Variants in ABITRAM observed in about 807,000 individuals in gnomAD.
ABITRAM encodes the protein actin binding transcription modulator, also known as protein Abitram.
Under a neutral mutation model 22.9 loss-of-function variants are expected in ABITRAM, and 19 were observed. The observed-to-expected ratio is 0.83, with a 90% CI of 0.58 to 1.22. The LOEUF (loss-of-function observed/expected upper bound fraction) is 1.22, where lower values mean the gene tolerates loss of function less well. Ranked by LOEUF, ABITRAM falls within the 50% of genes most tolerant of loss-of-function variation. ABITRAM has a pLI of 0.00. For missense variants in ABITRAM, 215 were observed against 220.2 expected (o/e 0.98, Z 0.15); for synonymous variants, 70 against 73.9 (o/e 0.95, Z 0.27).
At position 108,950,570 on chromosome 9, in the gene ABITRAM, G is replaced by T; in HGVS notation, c.325G>T (p.Gly109Ter). 1.3e-6 allele frequency: 2 copies of T among 1,550,216 alleles called. No individual in the cohort carries two copies. The highest frequency in any genetic ancestry group is 1.7e-6 in the Non-Finnish European group (2 of 1,146,796). ...GAGGAAAATGATGCCTCTAAGCTTG[G>T]GACTGCATCTTCCCCACTCTTAATC... The change falls in exon 4 of 4, where the codon GGA becomes TGA. Residue 109 changes from glycine (G) to a stop codon, truncating the protein, a stop_gained. Coordinates refer to the ABITRAM transcript ENST00000374624. LOFTEE classifies it high-confidence loss of function.
chr9:108,942,914 T>C (rs1564117155), downstream of ABITRAM: 1 of 1,609,340 alleles, frequency 6.2e-7, no homozygotes. Context: ...TATTTTCTTT[T>C]AAACCATTTT....
intron 2 of ABITRAM, 88 bp from the exon 3 acceptor site, chr9:108,936,220 C>A: frequency 1.4e-6 from 2 of 1,434,588 alleles, no homozygotes; most frequent in African/African-American, 1.4e-5. Flanking sequence ...TAAACAAATA[C>A]CAGTTCATAC....
At chr9:108,945,425 T>G (rs12349137), downstream of ABITRAM, among the ~76,000 whole-genome samples, 5 of 151,158 alleles carry the variant, frequency 3.3e-5, no homozygotes, top group East Asian at 9.7e-4. Context: ...ATGTATTTTG[T>G]TTTTTTTTAC....
At chr9:108,943,153 G>C (rs1830294175), downstream of ABITRAM, 1 of 994,864 alleles carries the variant, frequency 1.0e-6, no homozygotes, top group South Asian at 1.8e-5. Flanking sequence ...AAATCTAAGG[G>C]ATCTTGAAAG....
downstream of ABITRAM, among the ~76,000 whole-genome samples, chr9:108,945,488 G>T (rs186488305): frequency 5.3e-4 from 79 of 147,920 alleles, no homozygotes; most frequent in Non-Finnish European, 9.7e-4. Flanking sequence ...TTGAGACAGG[G>T]TCTCACTCTG....
chr9:108,945,620 C>T (rs1830377809), downstream of ABITRAM, among the ~76,000 whole-genome samples: 1 of 121,728 alleles, frequency 8.2e-6, no homozygotes, highest in Non-Finnish European at 1.7e-5. Flanking sequence ...TGCCACCATG[C>T]CCCGCTAGTT....
intron 3 of ABITRAM, among the ~76,000 whole-genome samples, chr9:108,938,843 C>CAATATAAA (rs1830221627): frequency 6.6e-6 from 1 of 152,084 alleles, no homozygotes; most frequent in Admixed American, 6.6e-5. Context: ...CATACTGTGT[C>CAATATAAA]ATGTTGAATT....
At chr9:108,948,279 C>G (rs777479203) in intron 3 of ABITRAM, 1 of 1,568,102 alleles carries the variant, frequency 6.4e-7, no homozygotes, top group Non-Finnish European at 8.7e-7. Context: ...AAGTTATTAC[C>G]TGAAAATTGA....
At chr9:108,942,057 A>C (rs1435237234), downstream of ABITRAM, among the ~76,000 whole-genome samples, 2 of 152,208 alleles carry the variant, frequency 1.3e-5, no homozygotes, top group East Asian at 3.8e-4. Context: ...TTTTAAGTCT[A>C]TAAGATAGGC....
At chr9:108,936,081 AC>A in intron 2 of ABITRAM, 1 of 540,280 alleles carries the variant, frequency 1.9e-6, no homozygotes, top group Non-Finnish European at 3.3e-6. Context: ...CTACCTAAAG[AC>A]CTCTGGTACT....
chr9:108,942,506 G>C (rs2132070742), downstream of ABITRAM: 1 of 482,194 alleles, frequency 2.1e-6, no homozygotes, highest in Non-Finnish European at 3.6e-6. Context: ...AGACAGTTGG[G>C]ATATTTGGTT....
At chr9:108,946,008 A>G (rs1000258177) in intron 3 of ABITRAM, among the ~76,000 whole-genome samples, 1 of 152,094 alleles carries the variant, frequency 6.6e-6, no homozygotes, top group East Asian at 1.9e-4. Context: ...TACTTAAAAC[A>G]TAATAGGATC....
chr9:108,936,027 T>C (rs1329008610), intron 2 of ABITRAM: 68 of 499,678 alleles, frequency 1.4e-4, no homozygotes, highest in Non-Finnish European at 1.8e-4. Flanking sequence ...GTATCTCGTA[T>C]ACACAGGCAT....
At position 108,950,586 on chromosome 9, in the gene ABITRAM, AC is replaced by A; in HGVS notation, c.342del (p.Ser115LeufsTer41). On this transcript the variant is annotated frameshift_variant, in exon 4 of 4. Transcript: ENST00000374624. LOFTEE classifies it high-confidence loss of function. ...CTAAGCTTGGGACTGCATCTTCCCC[AC>A]TCTTAATCCTCCTTCTATAGGAAGG... 2 of 1,550,070 alleles carry A rather than the reference AC, an allele frequency of 1.3e-6. No homozygotes were observed. Among genetic ancestry groups the A allele is most frequent in the Non-Finnish European group, 1.7e-6 (2 of 1,146,746 alleles).
At chr9:108,937,996 C>CAAAAAAA (rs56229176) in intron 3 of ABITRAM, among the ~76,000 whole-genome samples, 1 of 69,592 alleles carries the variant, frequency 1.4e-5, no homozygotes, top group Non-Finnish European at 3.1e-5. Flanking sequence ...GACCCTGTCT[C>CAAAAAAA]AAAAAAAAAA....
chr9:108,948,165 T>TA (rs1830459552), intron 3 of ABITRAM: 1 of 1,609,390 alleles, frequency 6.2e-7, no homozygotes. Flanking sequence ...AGTACTAGCA[T>TA]AAAACGGAAA....
Position 108,939,743 on chromosome 9 carries a change from A to G in ABITRAM, c.*57A>G. ...TTCTTGTTACCTGGCCTAAACCATC[A>G]GGGTACTAAAGGAGAAGAACCAGTA... On this transcript the variant is annotated 3_prime_UTR_variant, in exon 6 of 6. Transcript: ENST00000322940. 1 of 1,589,248 alleles carries G rather than the reference A, an allele frequency of 6.3e-7. No individual in the cohort carries two copies. Among genetic ancestry groups the G allele is most frequent in the Non-Finnish European group, 8.6e-7 (1 of 1,166,886 alleles).
chr9:108,937,366 G>A (rs1830202422), intron 3 of ABITRAM, among the ~76,000 whole-genome samples: 1 of 152,100 alleles, frequency 6.6e-6, no homozygotes, highest in Admixed American at 6.5e-5. Context: ...TCATGCCAAG[G>A]AGAATTTAGT....
At chr9:108,943,000 T>C, downstream of ABITRAM, 1 of 1,613,072 alleles carries the variant, frequency 6.2e-7, no homozygotes, top group Non-Finnish European at 8.5e-7. Context: ...GAAGTTGGAC[T>C]AAGAGAGCCA....
Sources: gnomAD v4.1 joint callset for allele counts (sites outside exome capture counted in the v4.1 genomes callset) on GRCh38, gnomAD v4.1.1 for gene constraint, MANE v1.5 for transcripts, NCBI Gene and HGNC (gene_info 2026-07-23, HGNC 2026-07-21) for gene names.